Variants in SNAP91 observed in about 807,000 individuals in gnomAD.
SNAP91 encodes clathrin coat assembly protein AP180.
SNAP91 carries 27 observed loss-of-function variants against 100.3 expected under a neutral mutation model. The observed-to-expected ratio is 0.27, with a 90% confidence interval of 0.20 to 0.37. The LOEUF (loss-of-function observed/expected upper bound fraction) is 0.37, where lower values mean the gene tolerates loss of function less well. Ranked by LOEUF, SNAP91 falls within the 10% of genes least tolerant of loss-of-function variation. The pLI, the probability that SNAP91 is intolerant of heterozygous loss-of-function variation, is 1.00. For synonymous variants in SNAP91, 404 were observed against 398.6 expected (o/e 1.01, Z -0.16); for missense variants, 986 against 1,123.7 (o/e 0.88, Z 1.75).
At chr6:83,572,203 GTCT>G (rs374563737) in intron 26 of SNAP91, among the ~76,000 whole-genome samples, 7 of 152,076 alleles carry the variant, frequency 4.6e-5, no homozygotes, top group African/African-American at 1.4e-4. Context: ...CTGAAAATTT[GTCT>G]TCTTCTCTTC....
chr6:83,677,691 G>A (rs1414883809), intron 2 of SNAP91, among the ~76,000 whole-genome samples: 1 of 152,144 alleles, frequency 6.6e-6, no homozygotes, highest in Non-Finnish European at 1.5e-5. Context: ...AGTTTTCTGT[G>A]AGGTAGAAAT....
At chr6:83,564,717 A>T (rs1794157404) in intron 26 of SNAP91, among the ~76,000 whole-genome samples, 1 of 152,018 alleles carries the variant, frequency 6.6e-6, no homozygotes. Flanking sequence ...CCACATGCAA[A>T]ACGATAAATT....
chr6:83,700,442 T>G (rs773343173), intron 2 of SNAP91, among the ~76,000 whole-genome samples: 2 of 151,962 alleles, frequency 1.3e-5, no homozygotes, highest in Non-Finnish European at 2.9e-5. Context: ...AATAACTGAT[T>G]GTTATTGCAT....
chr6:83,665,612 A>G, intron 2 of SNAP91, 31 bp from the exon 3 acceptor site: 1 of 1,589,196 alleles, frequency 6.3e-7, no homozygotes, highest in Non-Finnish European at 8.6e-7. Flanking sequence ...AATCAATGAT[A>G]TTAACAATTA....
intron 8 of SNAP91, among the ~76,000 whole-genome samples, chr6:83,630,109 C>T (rs570182799): frequency 1.3e-5 from 2 of 152,178 alleles, no homozygotes; most frequent in African/African-American, 4.8e-5. Context: ...TTGAGATGAT[C>T]ACGTGATTTT....
At chr6:83,610,726 T>TTC in intron 11 of SNAP91, 49 bp from the exon 12 acceptor site, 1 of 197,830 alleles carries the variant, frequency 5.1e-6, no homozygotes, top group Non-Finnish European at 8.9e-6. Flanking sequence ...TATATATATA[T>TTC]ATATATATAT....
At chr6:83,668,527 G>A (rs895543177) in intron 2 of SNAP91, among the ~76,000 whole-genome samples, 3 of 152,112 alleles carry the variant, frequency 2.0e-5, no homozygotes, top group Non-Finnish European at 2.9e-5. Context: ...CATGTCCTTT[G>A]TAGGGACATG....
At chr6:83,707,286 T>A (rs953599420) in intron 2 of SNAP91, among the ~76,000 whole-genome samples, 2 of 151,782 alleles carry the variant, frequency 1.3e-5, no homozygotes, top group Non-Finnish European at 2.9e-5. Context: ...ACACCCATAC[T>A]CACAAAAACA....
At chr6:83,702,810 C>A (rs564618151) in intron 2 of SNAP91, among the ~76,000 whole-genome samples, 20 of 151,760 alleles carry the variant, frequency 1.3e-4, no homozygotes, top group South Asian at 4.2e-4. Flanking sequence ...GGAAAAAAAA[C>A]CCCTATTGTT....
chr6:83,708,341 C>T (rs1223503095), intron 1 of SNAP91: 1 of 166,540 alleles, frequency 6.0e-6, no homozygotes, highest in African/African-American at 2.4e-5. Flanking sequence ...GGGCGCCGCA[C>T]CCACCGGTGC....
chr6:83,593,150 A>C, intron 19 of SNAP91, 32 bp downstream of exon 19: 6 of 1,555,826 alleles, frequency 3.9e-6, no homozygotes, highest in Non-Finnish European at 5.2e-6. Flanking sequence ...CTAAGAAACT[A>C]AAGTGAAAAA....
At chr6:83,632,137 G>A (rs1405377610) in intron 8 of SNAP91, among the ~76,000 whole-genome samples, 2 of 152,006 alleles carry the variant, frequency 1.3e-5, no homozygotes, top group Non-Finnish European at 2.9e-5. Context: ...AAAATTCTTG[G>A]CTGATAATTG....
At chr6:83,705,730 G>A (rs1291022929) in intron 2 of SNAP91, among the ~76,000 whole-genome samples, 5 of 151,806 alleles carry the variant, frequency 3.3e-5, no homozygotes, top group South Asian at 2.1e-4. Context: ...AGAATCACTC[G>A]AACCTGGGAG....
intron 22 of SNAP91, among the ~76,000 whole-genome samples, chr6:83,590,272 G>A (rs764289181): frequency 3.3e-5 from 5 of 152,140 alleles, no homozygotes; most frequent in Non-Finnish European, 7.3e-5. Context: ...ACTTACTACT[G>A]TGGTCTTGCA....
chr6:83,586,157 T>A (rs773626058), intron 22 of SNAP91, among the ~76,000 whole-genome samples: 3 of 152,050 alleles, frequency 2.0e-5, no homozygotes, highest in Non-Finnish European at 4.4e-5. Flanking sequence ...GCCACAAGAG[T>A]GCAATTTTAA....
chr6:83,571,102 G>A (rs995589543), intron 26 of SNAP91, among the ~76,000 whole-genome samples: 1 of 149,882 alleles, frequency 6.7e-6, no homozygotes, highest in Non-Finnish European at 1.5e-5. Flanking sequence ...GACCATGGGC[G>A]CCCACCTCTT....
chr6:83,668,799 A>G (rs1237414767), intron 2 of SNAP91, among the ~76,000 whole-genome samples: 1 of 152,066 alleles, frequency 6.6e-6, no homozygotes, highest in Non-Finnish European at 1.5e-5. Flanking sequence ...TTAGTAATTT[A>G]AGAGTACAAA....
chr6:83,641,464 T>C (rs892685413), intron 7 of SNAP91, among the ~76,000 whole-genome samples: 1 of 152,282 alleles, frequency 6.6e-6, no homozygotes, highest in Non-Finnish European at 1.5e-5. Context: ...AATATATGAA[T>C]TGCCACAACT....
At chr6:83,581,460 A>G (rs910829850) in intron 23 of SNAP91, among the ~76,000 whole-genome samples, 4 of 152,190 alleles carry the variant, frequency 2.6e-5, no homozygotes, top group African/African-American at 7.2e-5. Flanking sequence ...AAATGCAGAC[A>G]CATAGCATTT....
Sources: gnomAD v4.1 joint callset for allele counts (sites outside exome capture counted in the v4.1 genomes callset) on GRCh38, gnomAD v4.1.1 for gene constraint, MANE v1.5 for transcripts, NCBI Gene and HGNC (gene_info 2026-07-23, HGNC 2026-07-21) for gene names.